The following RNLS variants were observed in gnomAD, a reference collection of about 807,000 sequenced individuals.
The protein encoded by RNLS is renalase.
A neutral mutation model predicts 39.8 loss-of-function variants in RNLS; 39 were observed. The ratio of observed to expected loss-of-function variants is 0.98; its 90% CI spans 0.76 to 1.28. RNLS has a LOEUF of 1.28. Among genes scored for constraint, RNLS ranks in the 50% most tolerant of loss-of-function variants. RNLS has a pLI of 0.00. For missense variants in RNLS, 410 were observed against 413.3 expected, an observed-to-expected ratio of 0.99 and a Z score of 0.07; for synonymous variants, 147 against 150.7, an observed-to-expected ratio of 0.98 and a Z score of 0.18.
the RNLS span, among the ~76,000 whole-genome samples, chr10:88,193,629 T>A: frequency 6.6e-6 from 1 of 152,198 alleles, no homozygotes; most frequent in Non-Finnish European, 1.5e-5. Context: ...CTCCCATGCC[T>A]ACCTAGTCTC....
intron 6 of RNLS, among the ~76,000 whole-genome samples, chr10:88,308,423 T>C (rs543821933): frequency 1.4e-5 from 2 of 142,482 alleles, no homozygotes; most frequent in South Asian, 4.9e-4. Flanking sequence ...ATAAGGAACT[T>C]AACAAATTTA....
At chr10:88,417,209 A>C (rs1398990134) in intron 4 of RNLS, among the ~76,000 whole-genome samples, 2 of 152,232 alleles carry the variant, frequency 1.3e-5, no homozygotes, top group Non-Finnish European at 2.9e-5. Context: ...TGAAATTTCC[A>C]AAGCCTTTTG....
At position 88,493,219 on chromosome 10, in the gene RNLS, T is replaced by C. The variant is rs74147209; in HGVS notation, c.526+79684A>G. Among the ~76,000 whole-genome samples, 566 of 152,260 alleles carry C rather than the reference T, an allele frequency of 3.7e-3. 5 individuals carry two copies. The highest frequency in any genetic ancestry group is 0.012 in the African/African-American group (509 of 41,544). ...ATTTAAAATGGATAATAAATGAATATTTAATAGGAGTTACATCTATTATAA... is the reference window on the plus strand; with the variant it reads ...ATTTAAAATGGATAATAAATGAATACTTAATAGGAGTTACATCTATTATAA... On this transcript the variant is annotated intron_variant, in intron 4 of 6. Coordinates refer to ENST00000331772, the MANE Select transcript of RNLS (RefSeq NM_001031709.3).
At chr10:88,363,239 G>A (rs1168628550) in intron 4 of RNLS, among the ~76,000 whole-genome samples, 2 of 151,470 alleles carry the variant, frequency 1.3e-5, no homozygotes, top group Non-Finnish European at 2.9e-5. Context: ...ACTGGGGTCT[G>A]TTGGGGATGG....
intron 6 of RNLS, among the ~76,000 whole-genome samples, chr10:88,290,714 G>A (rs368804740): frequency 1.3e-5 from 2 of 152,152 alleles, no homozygotes; most frequent in Non-Finnish European, 2.9e-5. Context: ...GGACTTCTCC[G>A]AACCACTCTT....
intron 3 of RNLS, among the ~76,000 whole-genome samples, chr10:88,574,954 C>T (rs1271220847): frequency 1.3e-5 from 2 of 151,736 alleles, no homozygotes; most frequent in African/African-American, 4.8e-5. Context: ...GCTAAGTTAA[C>T]TGATTCTACG....
At chr10:88,236,851 A>G in the RNLS span, among the ~76,000 whole-genome samples, 3 of 152,292 alleles carry the variant, frequency 2.0e-5, no homozygotes, top group Admixed American at 6.5e-5. Context: ...CCCAGTAGTG[A>G]TAAGTACAAG....
At chr10:88,463,632 A>G (rs1296653902) in intron 4 of RNLS, among the ~76,000 whole-genome samples, 2 of 152,030 alleles carry the variant, frequency 1.3e-5, no homozygotes, top group Admixed American at 6.6e-5. Context: ...CACTGAGAAA[A>G]ATAATACCTA....
intron 4 of RNLS, among the ~76,000 whole-genome samples, chr10:88,531,450 C>T (rs866288620): frequency 1.3e-5 from 2 of 151,972 alleles, no homozygotes; most frequent in African/African-American, 2.4e-5. Context: ...ATTACGATTC[C>T]ACTTAGTCTA....
intron 4 of RNLS, among the ~76,000 whole-genome samples, chr10:88,397,064 CAGA>C (rs1311336204): frequency 2.6e-5 from 4 of 152,000 alleles, no homozygotes; most frequent in African/African-American, 9.6e-5. Context: ...AACAGCCAGA[CAGA>C]AGATCAATAA....
intron 4 of RNLS, among the ~76,000 whole-genome samples, chr10:88,570,975 T>TG (rs113107632): frequency 0.011 from 1,631 of 144,882 alleles, 13 homozygotes; most frequent in Middle Eastern, 0.04. Context: ...TTTTTTTTTT[T>TG]TTTTTTTTGG....
the RNLS span, among the ~76,000 whole-genome samples, chr10:88,263,937 G>T: frequency 6.6e-6 from 1 of 152,124 alleles, no homozygotes; most frequent in Non-Finnish European, 1.5e-5. Flanking sequence ...AGTATACACT[G>T]TACCCAATGT....
the RNLS span, among the ~76,000 whole-genome samples, chr10:88,180,806 A>G: frequency 2.0e-5 from 3 of 152,174 alleles, no homozygotes; most frequent in Admixed American, 2.0e-4. Context: ...TTTTCACTCT[A>G]CAAAAAAATG....
rs191850829 is a variant in RNLS at position 88,334,059 on chromosome 10, C to T, written c.701-19418G>A. 5.6e-3 allele frequency among the ~76,000 whole-genome samples: 856 copies of T among 152,276 alleles called. 3 individuals are homozygous for T. The highest frequency in any genetic ancestry group is 9.1e-3 in the Non-Finnish European group (618 of 68,012). On this transcript the variant is annotated intron_variant, in intron 5 of 6. Coordinates refer to ENST00000331772, the MANE Select transcript of RNLS (RefSeq NM_001031709.3). Reference sequence around the variant, plus strand: ...CTAATTGACTAAGACAATTCACATACCTTTGTTGAACTTCTGTGAGACTAT... The same window carrying T: ...CTAATTGACTAAGACAATTCACATATCTTTGTTGAACTTCTGTGAGACTAT...
chr10:88,451,273 T>C (rs975850604), intron 4 of RNLS, among the ~76,000 whole-genome samples: 2 of 152,166 alleles, frequency 1.3e-5, no homozygotes, highest in Non-Finnish European at 2.9e-5. Context: ...TCCCATATCA[T>C]GGAGACTGAG....
chr10:88,172,043 G>A, the RNLS span, among the ~76,000 whole-genome samples: 1 of 152,026 alleles, frequency 6.6e-6, no homozygotes, highest in Non-Finnish European at 1.5e-5. Flanking sequence ...TATAGAAAAG[G>A]CACACTACAT....
chr10:88,472,180 AG>A (rs1841699671), intron 4 of RNLS, among the ~76,000 whole-genome samples: 1 of 152,190 alleles, frequency 6.6e-6, no homozygotes. Context: ...CTTCCTGCCC[AG>A]GGCTGGGAAG....
chr10:88,290,955 C>T (rs1475648057), intron 6 of RNLS, among the ~76,000 whole-genome samples: 1 of 152,172 alleles, frequency 6.6e-6, no homozygotes, highest in Non-Finnish European at 1.5e-5. Flanking sequence ...ATATTCTTTC[C>T]TCAAATTGTT....
chr10:88,216,845 T>C, the RNLS span, among the ~76,000 whole-genome samples: 1 of 152,184 alleles, frequency 6.6e-6, no homozygotes, highest in Admixed American at 6.5e-5. Context: ...TATCTGGAAA[T>C]AATCCAACTC....
Sources: gnomAD v4.1 joint callset for allele counts (sites outside exome capture counted in the v4.1 genomes callset) on GRCh38, gnomAD v4.1.1 for gene constraint, MANE v1.5 for transcripts, NCBI Gene and HGNC (gene_info 2026-07-23, HGNC 2026-07-21) for gene names.